GLRA1: variants seen among roughly 807,000 people sequenced by gnomAD.
GLRA1 encodes glycine receptor alpha 1.
A neutral mutation model predicts 48.3 loss-of-function variants in GLRA1; 37 were observed. The ratio of observed to expected loss-of-function variants is 0.77; its 90% CI spans 0.59 to 1.01. The LOEUF is 1.01. GLRA1 is among the 50% of genes least tolerant of loss of function. The pLI is 0.00. For synonymous variants in GLRA1, 196 were observed against 210.7 expected, an observed-to-expected ratio of 0.93 and a Z score of 0.60; for missense variants, 427 against 571.0, an observed-to-expected ratio of 0.75 and a Z score of 2.57.
intron 7 of GLRA1, among the ~76,000 whole-genome samples, chr5:151,843,647 G>A (rs966603471): frequency 1.3e-5 from 2 of 152,074 alleles, no homozygotes; most frequent in African/African-American, 2.4e-5. Flanking sequence ...AAAATTGGAG[G>A]ACTCACACTT....
intron 2 of GLRA1, 62 bp from the exon 3 acceptor site, chr5:151,886,850 C>T: frequency 4.2e-6 from 5 of 1,200,876 alleles, no homozygotes; most frequent in South Asian, 1.2e-5. Context: ...CAGGGTAGGA[C>T]TCATTCCCAG....
At chr5:151,851,327 C>G (rs1752902750) in intron 7 of GLRA1, 63 bp downstream of exon 7, 4 of 1,074,534 alleles carry the variant, frequency 3.7e-6, no homozygotes, top group Middle Eastern at 2.9e-4. Flanking sequence ...TTAGGCAGAG[C>G]AAGGAAGTAG....
chr5:151,896,536 A>G (rs894606961), intron 1 of GLRA1, among the ~76,000 whole-genome samples: 4 of 152,216 alleles, frequency 2.6e-5, no homozygotes, highest in African/African-American at 9.6e-5. Flanking sequence ...CTCTGAATTT[A>G]CCACACTTAA....
intron 4 of GLRA1, among the ~76,000 whole-genome samples, chr5:151,857,918 G>T (rs998808573): frequency 6.6e-6 from 1 of 152,204 alleles, no homozygotes; most frequent in Non-Finnish European, 1.5e-5. Context: ...GTGCAGAGAG[G>T]GATAGGTTGA....
intron 5 of GLRA1, 136 bp from the exon 6 acceptor site, chr5:151,855,313 TC>T (rs1753010986): frequency 2.5e-6 from 2 of 810,654 alleles, no homozygotes; most frequent in East Asian, 4.9e-5. Context: ...TCCTTTTTTT[TC>T]CTCTCAAAAG....
At chr5:151,851,968 A>G (rs1752925437) in intron 6 of GLRA1, among the ~76,000 whole-genome samples, 1 of 152,168 alleles carries the variant, frequency 6.6e-6, no homozygotes, top group South Asian at 2.1e-4. Flanking sequence ...GGCCTGACTA[A>G]GTAGAACTTT....
At chr5:151,922,585 C>T (rs1160919212) in intron 1 of GLRA1, among the ~76,000 whole-genome samples, 3 of 152,230 alleles carry the variant, frequency 2.0e-5, no homozygotes, top group African/African-American at 7.2e-5. Flanking sequence ...AATTATATCC[C>T]ACATCCATTG....
At chr5:151,841,779 A>T (rs1763716676) in intron 7 of GLRA1, among the ~76,000 whole-genome samples, 1 of 152,192 alleles carries the variant, frequency 6.6e-6, no homozygotes, top group African/African-American at 2.4e-5. Flanking sequence ...AATAGAGGCC[A>T]TTCATGGTGG....
At chr5:151,894,659 C>T (rs1754186035) in intron 1 of GLRA1, among the ~76,000 whole-genome samples, 1 of 152,180 alleles carries the variant, frequency 6.6e-6, no homozygotes, top group Non-Finnish European at 1.5e-5. Flanking sequence ...TTTGTTCTTT[C>T]ATTCCCCACT....
intron 1 of GLRA1, 120 bp from the exon 2 acceptor site, chr5:151,892,558 G>A: frequency 9.9e-7 from 1 of 1,008,438 alleles, no homozygotes; most frequent in Non-Finnish European, 1.5e-6. Context: ...GAGTAATATG[G>A]GTAATATGGG....
chr5:151,835,435 C>T (rs1332072915), intron 7 of GLRA1, among the ~76,000 whole-genome samples: 2 of 152,174 alleles, frequency 1.3e-5, no homozygotes, highest in Non-Finnish European at 2.9e-5. Context: ...AGGCCAGCAT[C>T]ATCCTGATAC....
chr5:151,860,893 C>G (rs1312228671), intron 3 of GLRA1, among the ~76,000 whole-genome samples: 1 of 152,202 alleles, frequency 6.6e-6, no homozygotes, highest in African/African-American at 2.4e-5. Flanking sequence ...CACCCCACGA[C>G]AGGCCCTGGT....
At chr5:151,886,814 T>C in intron 2 of GLRA1, 26 bp from the exon 3 acceptor site, 1 of 1,572,340 alleles carries the variant, frequency 6.4e-7, no homozygotes, top group Non-Finnish European at 8.8e-7. Flanking sequence ...GATTCCTGCT[T>C]AGCCCCAAGG....
intron 7 of GLRA1, among the ~76,000 whole-genome samples, chr5:151,832,062 C>T (rs1208938649): frequency 6.6e-6 from 1 of 152,178 alleles, no homozygotes; most frequent in African/African-American, 2.4e-5. Context: ...AGAGGCCTGA[C>T]TGTTAGAAGG....
intron 3 of GLRA1, among the ~76,000 whole-genome samples, chr5:151,872,980 A>T (rs1031950434): frequency 6.7e-6 from 1 of 149,800 alleles, no homozygotes; most frequent in Non-Finnish European, 1.5e-5. Flanking sequence ...TGTCCACTAA[A>T]TTTTATTACC....
rs139213838 is a variant in GLRA1 at position 151,828,934 on chromosome 5, C to T, written c.1046G>A (p.Arg349Gln). The change falls in exon 8 of 9, where the codon CGG becomes CAG. Residue 349 changes from arginine (R) to glutamine (Q), a missense_variant. By Grantham distance (43) the Arg-to-Gln change is conservative. Coordinates refer to ENST00000274576, the MANE Select transcript of GLRA1 (RefSeq NM_000171.4). The stretch of plus-strand genomic sequence containing the variant: ...CCAAAGGCCTACCTTGTGATGTCTC[C>T]GCTTCCTCCTGAATCGGAGCAGCTC... Reference protein sequence around the residue: ...HKELLRFRRKRRHHKEDEAGE... With the variant: ...HKELLRFRRKQRHHKEDEAGE... 2.8e-4 allele frequency: 445 copies of T among 1,613,982 alleles called. 1 individual carries two copies. Among genetic ancestry groups the T allele is most frequent in the Middle Eastern group, 1.6e-4 (1 of 6,082 alleles).
rs1754977635 is a variant in GLRA1 at position 151,924,663 on chromosome 5, A to T, written c.-114T>A. On this transcript the variant is annotated 5_prime_UTR_variant, in exon 1 of 9. Coordinates refer to ENST00000274576, the MANE Select transcript of GLRA1 (RefSeq NM_000171.4). ...AAAAAATAATCCAGATGTTAAAGGG[A>T]GGCGGGGAACAGGGGCGCGGAGGGA... The T allele has an allele frequency of 1.3e-6, 1 of 783,966 alleles. No individual in the cohort carries two copies. The highest frequency in any genetic ancestry group is 2.3e-6 in the Non-Finnish European group (1 of 428,512). 48.6% of individuals were successfully genotyped at this position (783,966 alleles called of 1,614,324 possible).
chr5:151,898,458 C>G (rs974871489), intron 1 of GLRA1, among the ~76,000 whole-genome samples: 1 of 152,132 alleles, frequency 6.6e-6, no homozygotes, highest in Non-Finnish European at 1.5e-5. Context: ...TACAGATGAG[C>G]TAGGGTTGCA....
chr5:151,906,993 G>A (rs943834917), intron 1 of GLRA1, among the ~76,000 whole-genome samples: 5 of 152,184 alleles, frequency 3.3e-5, no homozygotes, highest in African/African-American at 1.2e-4. Context: ...AGTAGATGAT[G>A]AGTTTCTTGT....
Sources: gnomAD v4.1 joint callset for allele counts (sites outside exome capture counted in the v4.1 genomes callset) on GRCh38, gnomAD v4.1.1 for gene constraint, MANE v1.5 for transcripts, NCBI Gene and HGNC (gene_info 2026-07-23, HGNC 2026-07-21) for gene names.